The following SYT17 variants were observed in gnomAD, a reference collection of about 807,000 sequenced individuals.
The protein encoded by SYT17 is synaptotagmin 17.
SYT17 carries 22 observed loss-of-function variants against 46.7 expected under a neutral mutation model. That is an observed-to-expected ratio of 0.47 (90% confidence interval 0.34 to 0.67). The LOEUF is 0.67. SYT17 is among the 30% of genes least tolerant of loss of function. The pLI is 0.01. For missense variants in SYT17, 519 were observed against 612.8 expected (o/e 0.85, Z 1.62); for synonymous variants, 251 against 248.4 (o/e 1.01, Z -0.10).
At chr16:19,187,492 A>G (rs1472561549) in intron 5 of SYT17, among the ~76,000 whole-genome samples, 2 of 152,160 alleles carry the variant, frequency 1.3e-5, no homozygotes, top group East Asian at 3.8e-4. Context: ...TTGGGGAGCA[A>G]ATGTATTTCA....
Position 19,184,135 on chromosome 16 carries a change from T to C in SYT17, c.939T>C (p.Ile313=). The C allele has an allele frequency of 6.2e-7, 1 of 1,613,598 alleles. No individual in the cohort carries two copies. Residue 313 remains isoleucine (I), a synonymous_variant, in exon 5 of 8, where the codon ATT becomes ATC. Transcript: ENST00000355377. The part of the protein sequence containing the change: ...VKGGHWWKAL[I]PSSQNEVELG... ...GCGGGCACTGGTGGAAGGCGCTGAT[T>C]CCCAGTTCTCAGGTAAGGGATGGGT...
chr16:19,188,405 G>C (rs1267293430), intron 5 of SYT17, among the ~76,000 whole-genome samples: 1 of 143,786 alleles, frequency 7.0e-6, no homozygotes, highest in Admixed American at 7.3e-5. Context: ...ATACCTGGGT[G>C]ATGAAATAAT....
At chr16:19,218,992 C>T (rs987982323) in intron 5 of SYT17, among the ~76,000 whole-genome samples, 2 of 152,184 alleles carry the variant, frequency 1.3e-5, no homozygotes, top group African/African-American at 4.8e-5. Flanking sequence ...CCCCATCCAC[C>T]GACTGAAAGG....
intron 5 of SYT17, among the ~76,000 whole-genome samples, chr16:19,214,156 A>G (rs191438776): frequency 1.0e-3 from 157 of 152,280 alleles, no homozygotes; most frequent in African/African-American, 3.8e-3. Flanking sequence ...AGAGAGGACA[A>G]AATTACCCCA....
intron 5 of SYT17, among the ~76,000 whole-genome samples, chr16:19,200,183 C>T (rs1054262038): frequency 6.6e-6 from 1 of 152,216 alleles, no homozygotes; most frequent in Non-Finnish European, 1.5e-5. Flanking sequence ...TAGACTAGGT[C>T]CCCATGGACT....
chr16:19,169,876 C>T (rs1302380894), intron 1 of SYT17: 1 of 152,074 alleles, frequency 6.6e-6, no homozygotes, highest in Non-Finnish European at 1.5e-5. Context: ...CAGTTCCTGC[C>T]CCTCTGGGTG....
chr16:19,172,894 T>A, intron 2 of SYT17, 117 bp downstream of exon 2: 2 of 1,267,016 alleles, frequency 1.6e-6, no homozygotes, highest in Non-Finnish European at 2.3e-6. Context: ...AACCTGGTGT[T>A]AATAACGGCA....
At chr16:19,232,789 G>A (rs144714758) in intron 7 of SYT17, among the ~76,000 whole-genome samples, 23 of 152,082 alleles carry the variant, frequency 1.5e-4, no homozygotes, top group African/African-American at 2.4e-4. Flanking sequence ...CCGAGATCAC[G>A]GCACTGCACT....
chr16:19,176,829 T>C (rs1964333493), intron 3 of SYT17, among the ~76,000 whole-genome samples: 1 of 152,190 alleles, frequency 6.6e-6, no homozygotes, highest in Admixed American at 6.5e-5. Context: ...GAATTATCGC[T>C]TGATTAATGA....
intron 7 of SYT17, among the ~76,000 whole-genome samples, chr16:19,230,270 G>T (rs754821090): frequency 7.9e-5 from 12 of 152,084 alleles, no homozygotes; most frequent in Non-Finnish European, 1.2e-4. Flanking sequence ...AGCCAGGCGT[G>T]GTAGTGAGCA....
At chr16:19,253,859 C>G (rs909391082) in intron 7 of SYT17, among the ~76,000 whole-genome samples, 1 of 152,064 alleles carries the variant, frequency 6.6e-6, no homozygotes, top group African/African-American at 2.4e-5. Flanking sequence ...TCCCGAGTAA[C>G]TAGGATTACA....
intron 5 of SYT17, among the ~76,000 whole-genome samples, chr16:19,194,911 C>G (rs1374004716): frequency 1.3e-5 from 2 of 152,176 alleles, no homozygotes; most frequent in Non-Finnish European, 2.9e-5. Context: ...TAAAAGGGTT[C>G]TAGTCTTGGT....
At chr16:19,184,230 CT>C (rs1964686314) in intron 5 of SYT17, 83 bp downstream of exon 5, 2 of 1,482,030 alleles carry the variant, frequency 1.3e-6, no homozygotes, top group Admixed American at 4.6e-5. Flanking sequence ...GTTTAAAAGG[CT>C]TTTTTGGATT....
chr16:19,250,359 T>TGTGTGTGTG (rs1967957748), intron 7 of SYT17, among the ~76,000 whole-genome samples: 2 of 132,568 alleles, frequency 1.5e-5, no homozygotes, highest in East Asian at 2.2e-4. Flanking sequence ...TCAAACATGT[T>TGTGTGTGTG]TGTGTGTGTG....
intron 7 of SYT17, among the ~76,000 whole-genome samples, chr16:19,229,972 C>T (rs1293508048): frequency 6.6e-6 from 1 of 152,024 alleles, no homozygotes; most frequent in Non-Finnish European, 1.5e-5. Flanking sequence ...GGACAAATGC[C>T]GTATCATTTC....
At chr16:19,195,513 C>T (rs917597457) in intron 5 of SYT17, among the ~76,000 whole-genome samples, 1 of 151,456 alleles carries the variant, frequency 6.6e-6, no homozygotes, top group Admixed American at 6.6e-5. Context: ...GTCAGGAGTT[C>T]AAGACCAGCC....
chr16:19,248,342 C>A (rs1967741026), intron 7 of SYT17, among the ~76,000 whole-genome samples: 1 of 152,088 alleles, frequency 6.6e-6, no homozygotes, highest in Non-Finnish European at 1.5e-5. Flanking sequence ...TATATATTTA[C>A]CATCCAACCC....
At chr16:19,186,792 T>C (rs1277383750) in intron 5 of SYT17, among the ~76,000 whole-genome samples, 1 of 152,204 alleles carries the variant, frequency 6.6e-6, no homozygotes, top group African/African-American at 2.4e-5. Flanking sequence ...CTCCCCTCTT[T>C]ATTATTCTTT....
At chr16:19,203,345 A>AAT (rs1431531245) in intron 5 of SYT17, among the ~76,000 whole-genome samples, 3 of 151,518 alleles carry the variant, frequency 2.0e-5, no homozygotes, top group Non-Finnish European at 4.4e-5. Flanking sequence ...ACAAAAAAAA[A>AAT]AAATAGCTGG....
Sources: gnomAD v4.1 joint callset for allele counts (sites outside exome capture counted in the v4.1 genomes callset) on GRCh38, gnomAD v4.1.1 for gene constraint, MANE v1.5 for transcripts, NCBI Gene and HGNC (gene_info 2026-07-23, HGNC 2026-07-21) for gene names.